Variants in TEC observed in about 807,000 individuals in gnomAD.
TEC encodes the protein tec protein tyrosine kinase.
A neutral mutation model predicts 93.0 loss-of-function variants in TEC; 72 were observed. The ratio of observed to expected loss-of-function variants is 0.77; its 90% CI spans 0.64 to 0.94. The LOEUF (loss-of-function observed/expected upper bound fraction) is 0.94, where lower values mean the gene tolerates loss of function less well. Among genes scored for constraint, TEC ranks in the 40% least tolerant of loss-of-function variants. TEC has a pLI of 0.00. For missense variants in TEC, 630 were observed against 757.9 expected (o/e 0.83, Z 1.98); for synonymous variants, 249 against 247.7 (o/e 1.01, Z -0.05).
chr4:48,203,617 T>A (rs1722606401), intron 2 of TEC, among the ~76,000 whole-genome samples: 2 of 152,110 alleles, frequency 1.3e-5, no homozygotes, highest in African/African-American at 4.8e-5. Flanking sequence ...CTCACTGATG[T>A]ATAAGTGAGT....
intron 4 of TEC, among the ~76,000 whole-genome samples, chr4:48,170,922 G>A (rs535791486): frequency 5.3e-4 from 80 of 152,156 alleles, no homozygotes; most frequent in Non-Finnish European, 9.7e-4. Context: ...ATGGTGGTGG[G>A]TGCCTGTAAT....
intron 2 of TEC, among the ~76,000 whole-genome samples, chr4:48,179,833 A>G (rs1479056331): frequency 2.6e-5 from 4 of 152,210 alleles, no homozygotes; most frequent in Non-Finnish European, 5.9e-5. Flanking sequence ...AATGGGAATA[A>G]TAATAGTATC....
At chr4:48,190,270 C>T (rs1205091768) in intron 2 of TEC, among the ~76,000 whole-genome samples, 1 of 152,084 alleles carries the variant, frequency 6.6e-6, no homozygotes, top group African/African-American at 2.4e-5. Context: ...AAAGTTTAAG[C>T]CTTCATGGAG....
chr4:48,156,995 T>C (rs1001849742), intron 8 of TEC, among the ~76,000 whole-genome samples: 2 of 152,204 alleles, frequency 1.3e-5, no homozygotes, highest in African/African-American at 4.8e-5. Flanking sequence ...ACATAGGCTA[T>C]ACGATAACCT....
chr4:48,194,605 T>A (rs1224164959), intron 2 of TEC, among the ~76,000 whole-genome samples: 1 of 152,174 alleles, frequency 6.6e-6, no homozygotes, highest in Non-Finnish European at 1.5e-5. Context: ...TTTCTTCCTC[T>A]CGCTTCTCTA....
chr4:48,231,618 G>T (rs1365758514), intron 1 of TEC, among the ~76,000 whole-genome samples: 5 of 152,094 alleles, frequency 3.3e-5, no homozygotes, highest in African/African-American at 2.4e-5. Flanking sequence ...TTAGCCAGGC[G>T]TGGTGGCGGG....
intron 2 of TEC, among the ~76,000 whole-genome samples, chr4:48,177,127 C>G (rs1721364733): frequency 6.6e-6 from 1 of 152,192 alleles, no homozygotes; most frequent in Non-Finnish European, 1.5e-5. Context: ...TCATCCACAC[C>G]TTTAAGCATA....
intron 1 of TEC, among the ~76,000 whole-genome samples, chr4:48,244,907 A>G (rs1307450282): frequency 1.3e-5 from 2 of 152,232 alleles, no homozygotes; most frequent in Non-Finnish European, 2.9e-5. Context: ...AAACTTCTCA[A>G]TTGAGAGGTG....
intron 2 of TEC, among the ~76,000 whole-genome samples, chr4:48,186,723 G>A (rs1049281057): frequency 2.0e-5 from 3 of 151,670 alleles, no homozygotes; most frequent in Admixed American, 2.0e-4. Context: ...AGGAGGTGGG[G>A]GGCAGCCCCC....
intron 1 of TEC, among the ~76,000 whole-genome samples, chr4:48,268,567 T>C (rs12651507): frequency 0.35 from 52,811 of 152,128 alleles, 9,457 homozygotes; most frequent in Middle Eastern, 0.42. Context: ...TAAATCTTAA[T>C]ATCCCTTACT....
intron 2 of TEC, among the ~76,000 whole-genome samples, chr4:48,179,338 GTATATATATATATATATA>G (rs61241595): frequency 3.9e-5 from 2 of 51,650 alleles, no homozygotes; most frequent in East Asian, 7.9e-4. Context: ...GACGTGGGTA[GTATATATATATATATATA>G]TATATATATA....
chr4:48,252,131 G>A lies in TEC; in HGVS notation c.-46+17621C>T, dbSNP rs575987685. Among the ~76,000 whole-genome samples the A allele has an allele frequency of 5.3e-5, 8 of 152,284 alleles. No homozygotes were observed. The East Asian group carries it at 7.7e-4, about 15-fold the overall frequency. On this transcript the variant is annotated intron_variant, in intron 1 of 17. Coordinates refer to ENST00000381501, the MANE Select transcript of TEC (RefSeq NM_003215.3). Reference sequence around the variant, plus strand: ...GCTCCTTATTAGTTGTATAAACACCGACAATTACCTCTCTGAGCTTGCTTC... The same window carrying A: ...GCTCCTTATTAGTTGTATAAACACCAACAATTACCTCTCTGAGCTTGCTTC...
intron 1 of TEC, among the ~76,000 whole-genome samples, chr4:48,242,710 C>G (rs1723951042): frequency 6.6e-6 from 1 of 152,112 alleles, no homozygotes; most frequent in Non-Finnish European, 1.5e-5. Flanking sequence ...TGAGGGGGAC[C>G]AGAAGCTCAG....
intron 15 of TEC, 112 bp from the exon 16 acceptor site, chr4:48,139,134 C>T (rs892842897): frequency 1.1e-6 from 1 of 900,194 alleles, no homozygotes; most frequent in Non-Finnish European, 1.7e-6. Flanking sequence ...TGAAGTCCAA[C>T]AAGCATCCGG....
At chr4:48,148,819 C>T (rs1001202091) in intron 11 of TEC, among the ~76,000 whole-genome samples, 2 of 152,130 alleles carry the variant, frequency 1.3e-5, no homozygotes, top group Admixed American at 6.6e-5. Flanking sequence ...TCCTCTCTGT[C>T]CTCCCAACCT....
chr4:48,166,097 C>T (rs1357104784), intron 7 of TEC, among the ~76,000 whole-genome samples: 1 of 152,186 alleles, frequency 6.6e-6, no homozygotes, highest in Non-Finnish European at 1.5e-5. Context: ...TGGCCATGTG[C>T]ATTCCCTTTC....
chr4:48,209,623 G>T (rs1722830678), intron 2 of TEC, among the ~76,000 whole-genome samples: 1 of 151,804 alleles, frequency 6.6e-6, no homozygotes, highest in Admixed American at 6.6e-5. Context: ...AAAAAAAATA[G>T]ATTTATAAAA....
At chr4:48,184,806 C>T (rs1299555970) in intron 2 of TEC, among the ~76,000 whole-genome samples, 2 of 145,186 alleles carry the variant, frequency 1.4e-5, no homozygotes, top group Non-Finnish European at 3.0e-5. Context: ...CACACACACA[C>T]ATTAAATATT....
intron 2 of TEC, among the ~76,000 whole-genome samples, chr4:48,210,886 C>T (rs1722879407): frequency 6.6e-6 from 1 of 152,158 alleles, no homozygotes; most frequent in Non-Finnish European, 1.5e-5. Context: ...AGAGCAAAGA[C>T]TGAAACATGT....
Sources: allele counts gnomAD v4.1 joint callset (sites outside exome capture counted in the v4.1 genomes callset), GRCh38; gene constraint gnomAD v4.1.1; transcripts MANE v1.5; gene names NCBI Gene and HGNC (gene_info 2026-07-23, HGNC 2026-07-21).